WDR72: variants seen among roughly 807,000 people sequenced by gnomAD.
The protein encoded by WDR72 is WD repeat-containing protein 72.
WDR72 carries 120 observed loss-of-function variants against 124.2 expected under a neutral mutation model. The observed-to-expected ratio is 0.97, with a 90% CI of 0.83 to 1.12. WDR72 has a LOEUF of 1.12. Ranked by LOEUF, WDR72 falls within the 50% of genes most tolerant of loss-of-function variation. The pLI is 0.00. For synonymous variants in WDR72, 452 were observed against 441.7 expected, an observed-to-expected ratio of 1.02 and a Z score of -0.29; for missense variants, 1,387 against 1,278.8, an observed-to-expected ratio of 1.08 and a Z score of -1.29.
chr15:53,687,809 C>A (rs1170352937), intron 13 of WDR72, among the ~76,000 whole-genome samples: 1 of 149,208 alleles, frequency 6.7e-6, no homozygotes, highest in Non-Finnish European at 1.5e-5. Flanking sequence ...TGCAAAAATC[C>A]TCAATAAAAT....
intron 14 of WDR72, among the ~76,000 whole-genome samples, chr15:53,632,888 T>C (rs1363425606): frequency 1.3e-5 from 2 of 152,346 alleles, no homozygotes; most frequent in East Asian, 3.9e-4. Context: ...CCCCATTGTA[T>C]CTTGGAAGTA....
At chr15:53,630,463 A>C (rs1011573189) in intron 14 of WDR72, among the ~76,000 whole-genome samples, 1 of 152,196 alleles carries the variant, frequency 6.6e-6, no homozygotes, top group African/African-American at 2.4e-5. Flanking sequence ...AAAATCCTCA[A>C]GAAAATATTC....
chr15:53,661,509 C>T (rs1443527039), intron 14 of WDR72, among the ~76,000 whole-genome samples: 1 of 152,126 alleles, frequency 6.6e-6, no homozygotes, highest in East Asian at 1.9e-4. Flanking sequence ...CTCCTTAGGT[C>T]CCTTCTTCAA....
chr15:53,642,491 C>T (rs978925202), intron 14 of WDR72, among the ~76,000 whole-genome samples: 2 of 152,068 alleles, frequency 1.3e-5, no homozygotes, highest in South Asian at 4.1e-4. Context: ...GGCACATCAA[C>T]AGCATCATAA....
At chr15:53,747,313 T>C (rs951208528) in intron 1 of WDR72, among the ~76,000 whole-genome samples, 3 of 152,148 alleles carry the variant, frequency 2.0e-5, no homozygotes, top group Non-Finnish European at 4.4e-5. Flanking sequence ...ACACATAACA[T>C]TCTGTCTGGT....
At chr15:53,554,004 G>A (rs897485565) in intron 18 of WDR72, among the ~76,000 whole-genome samples, 1 of 152,018 alleles carries the variant, frequency 6.6e-6, no homozygotes. Context: ...CATTCTTTTT[G>A]ATAAATATCC....
intron 14 of WDR72, among the ~76,000 whole-genome samples, chr15:53,651,566 GT>G (rs1225411878): frequency 6.6e-6 from 1 of 152,162 alleles, no homozygotes; most frequent in Non-Finnish European, 1.5e-5. Context: ...GTAATTCTTT[GT>G]TTTCAAGGAG....
intron 2 of WDR72, among the ~76,000 whole-genome samples, chr15:53,730,674 T>C (rs991127994): frequency 1.3e-5 from 2 of 152,176 alleles, no homozygotes; most frequent in Non-Finnish European, 2.9e-5. Context: ...CCTGAGATGC[T>C]GCCCTACGGT....
chr15:53,612,094 G>T (rs1053005163), intron 16 of WDR72, among the ~76,000 whole-genome samples: 1 of 152,106 alleles, frequency 6.6e-6, no homozygotes, highest in African/African-American at 2.4e-5. Flanking sequence ...GAATGGCAGA[G>T]CTGGATCTTG....
rs568412418 is a variant in WDR72, at chr15:53,659,205, T to C, written c.1962+6367A>G. 2.0e-5 allele frequency among the ~76,000 whole-genome samples: 3 copies of C among 152,356 alleles called. No homozygotes were observed. The South Asian group carries it at 6.2e-4, about 32-fold the overall frequency. On this transcript the variant is annotated intron_variant, in intron 14 of 19. Coordinates refer to ENST00000360509, the MANE Select transcript of WDR72 (RefSeq NM_182758.4). ...CTTTCTTTGAAGAACTATTAGGCTA[T>C]ATATTTCAGGCCTGTGGACGCTGAA...
At chr15:53,538,162 T>A (rs1404742940) in intron 18 of WDR72, among the ~76,000 whole-genome samples, 1 of 152,194 alleles carries the variant, frequency 6.6e-6, no homozygotes, top group African/African-American at 2.4e-5. Flanking sequence ...TGATATACTT[T>A]ACATATATAT....
intron 14 of WDR72, among the ~76,000 whole-genome samples, chr15:53,636,467 C>T (rs530736236): frequency 2.6e-5 from 4 of 152,046 alleles, no homozygotes; most frequent in Non-Finnish European, 4.4e-5. Flanking sequence ...TAAATTAAAT[C>T]GGGAGGAACA....
intron 9 of WDR72, among the ~76,000 whole-genome samples, chr15:53,710,396 G>GGGAA (rs2017499904): frequency 6.6e-6 from 1 of 151,326 alleles, no homozygotes; most frequent in African/African-American, 2.4e-5. Context: ...GACAGAGAAT[G>GGGAA]AGAAAGTAAA....
chr15:53,591,685 AACACACACACACAC>A (rs67873847), intron 18 of WDR72, among the ~76,000 whole-genome samples: 3,145 of 149,008 alleles, frequency 0.021, 35 homozygotes, highest in Admixed American at 0.03. Context: ...CAACACACAC[AACACACACACACAC>A]ACACACACAC....
rs1566935005 is a variant in WDR72, at chr15:53,515,079, G to GTGTATATATA, written c.*2619_*2620insTATATATACA. On this transcript the variant is annotated 3_prime_UTR_variant, in exon 20 of 20. Transcript: ENST00000360509. ...TGTATATATATACACACATATATAT[G>GTGTATATATA]TATGTATACACACACACACACACAC... 1.6e-5 allele frequency: 1 copy of GTGTATATATA among 63,456 alleles called. No homozygotes were observed. The highest frequency in any genetic ancestry group is 4.3e-5 in the African/African-American group (1 of 23,326). 3.9% of individuals were successfully genotyped at this position (63,456 alleles called of 1,614,324 possible).
chr15:53,684,945 G>A (rs78449794), intron 13 of WDR72, among the ~76,000 whole-genome samples: 2 of 152,260 alleles, frequency 1.3e-5, no homozygotes, highest in South Asian at 2.1e-4. Flanking sequence ...CCCCTAGCAG[G>A]GGCACACTGA....
rs72440914 is a variant in WDR72 at position 53,609,843 on chromosome 15, TACAC to T, written c.2873-255_2873-252del. Among the ~76,000 whole-genome samples, 718 of 149,722 alleles carry T rather than the reference TACAC, an allele frequency of 4.8e-3. 4 individuals carry two copies. The highest frequency in any genetic ancestry group is 7.4e-3 in the African/African-American group (302 of 40,944). On this transcript the variant is annotated intron_variant, in intron 16 of 19. Coordinates refer to ENST00000360509, the MANE Select transcript of WDR72 (RefSeq NM_182758.4). ...GTTCACATCCATTTGTGTACATTTA[TACAC>T]ACACACACACACACACACACAATTT...
intron 18 of WDR72, among the ~76,000 whole-genome samples, chr15:53,573,516 C>T (rs1477514091): frequency 6.6e-6 from 1 of 150,766 alleles, no homozygotes; most frequent in East Asian, 1.9e-4. Flanking sequence ...ATTTTAACTC[C>T]TTTATCCATT....
chr15:53,754,206 G>A (rs1167606192), intron 1 of WDR72, among the ~76,000 whole-genome samples: 2 of 152,142 alleles, frequency 1.3e-5, no homozygotes, highest in Admixed American at 6.5e-5. Context: ...ATGTGGAAGT[G>A]TATGCATGGG....
Sources: gnomAD v4.1 joint callset for allele counts (sites outside exome capture counted in the v4.1 genomes callset) on GRCh38, gnomAD v4.1.1 for gene constraint, MANE v1.5 for transcripts, NCBI Gene and HGNC (gene_info 2026-07-23, HGNC 2026-07-21) for gene names.